The following EML6 variants were observed in gnomAD, a reference collection of about 807,000 sequenced individuals.
EML6 encodes EMAP like 6.
In EML6, 154 loss-of-function variants were observed where a neutral mutation model predicts 240.1. The observed-to-expected ratio is 0.64, with a 90% confidence interval of 0.56 to 0.73. The LOEUF (loss-of-function observed/expected upper bound fraction) is 0.73. Ranked by LOEUF, EML6 falls within the 30% of genes least tolerant of loss-of-function variation. The pLI, the probability that EML6 is intolerant of heterozygous loss-of-function variation, is 0.00. For missense variants in EML6, 2,964 were observed against 2,474.6 expected (o/e 1.20, Z -4.20); for synonymous variants, 1,148 against 899.0 (o/e 1.28, Z -4.95).
rs73936459 is a variant in EML6, at chr2:54,774,603, A to G, written c.198-38629A>G. On this transcript the variant is annotated intron_variant, in intron 2 of 41. Transcript: ENST00000356458. This position sits in a 1 kb window ranked among gnomAD's most constrained non-coding sequence, Gnocchi z 4.1. The stretch of plus-strand genomic sequence containing the variant: ...TTGTAAGGATCAAATAAAATAAAAC[A>G]TAGAGGTCCTTTTGCAAGAGGACCT... Among the ~76,000 whole-genome samples the G allele has an allele frequency of 0.043, 6,533 of 152,326 alleles. 460 individuals carry two copies. The highest frequency in any genetic ancestry group is 0.15 in the African/African-American group (6,029 of 41,550).
chr2:54,886,207 C>T (rs1262486683), intron 17 of EML6, among the ~76,000 whole-genome samples: 24 of 138,824 alleles, frequency 1.7e-4, no homozygotes, highest in Admixed American at 1.5e-3. Context: ...GCTGTGTCAC[C>T]CAGGCTGGAG....
At chr2:54,837,303 T>G (rs566025940) in intron 7 of EML6, among the ~76,000 whole-genome samples, 1 of 152,150 alleles carries the variant, frequency 6.6e-6, no homozygotes, top group Non-Finnish European at 1.5e-5. Context: ...TCATTTTTTT[T>G]CCCCCTATTG....
At chr2:54,742,268 C>G (rs1251234649) in intron 2 of EML6, among the ~76,000 whole-genome samples, 1 of 152,160 alleles carries the variant, frequency 6.6e-6, no homozygotes, top group African/African-American at 2.4e-5. Context: ...AGCTCTGTTT[C>G]CCCGACTTTC....
intron 11 of EML6, among the ~76,000 whole-genome samples, chr2:54,856,724 C>A (rs1267929475): frequency 1.3e-5 from 2 of 152,132 alleles, no homozygotes; most frequent in African/African-American, 4.8e-5. Context: ...CGTAAAGGGC[C>A]CCCTGGCCAC....
chr2:54,940,480 T>C (rs1675372666), intron 28 of EML6, among the ~76,000 whole-genome samples: 1 of 152,232 alleles, frequency 6.6e-6, no homozygotes, highest in African/African-American at 2.4e-5. Flanking sequence ...GATTATAAAC[T>C]GTGTAGGATT....
rs573129543 is a variant in EML6, at chr2:54,733,507, A to G, written c.197+8249A>G. Among the ~76,000 whole-genome samples the G allele has an allele frequency of 2.0e-5, 3 of 152,322 alleles. No homozygotes were observed. In the East Asian group the frequency reaches 5.8e-4, roughly 29 times the overall value. ...GCTGGTCTCTTAGGCACTGCACAGT[A>G]TCACGCAGCTATTCTTTCTCTAATT... On this transcript the variant is annotated intron_variant, in intron 2 of 41. Coordinates refer to ENST00000356458, the MANE Select transcript of EML6 (RefSeq NM_001039753.4).
chr2:54,914,172 A>G (rs930144265), intron 25 of EML6, among the ~76,000 whole-genome samples: 4 of 152,120 alleles, frequency 2.6e-5, no homozygotes, highest in African/African-American at 9.7e-5. Context: ...GAATATATAC[A>G]CCTATATTTT....
In EML6 at chr2:54,912,479, A is replaced by G. The variant is rs145355348; in HGVS notation, c.3498+1437A>G. On this transcript the variant is annotated intron_variant, in intron 25 of 41. Transcript: ENST00000356458. ...TTGTTTCATGGGTCTGTTGTATGACACTGAGGACTGGCATACAAATTATTG... is the reference window on the plus strand; with the variant it reads ...TTGTTTCATGGGTCTGTTGTATGACGCTGAGGACTGGCATACAAATTATTG... 5.3e-3 allele frequency among the ~76,000 whole-genome samples: 813 copies of G among 152,252 alleles called. 9 individuals are homozygous for G. The highest frequency in any genetic ancestry group is 0.018 in the African/African-American group (767 of 41,542).
intron 2 of EML6, among the ~76,000 whole-genome samples, chr2:54,800,528 C>G (rs1670075476): frequency 6.6e-6 from 1 of 152,090 alleles, no homozygotes. Context: ...CACACAGATG[C>G]TTTTATTTTT....
At chr2:54,804,930 G>A (rs1368539387) in intron 2 of EML6, among the ~76,000 whole-genome samples, 3 of 151,930 alleles carry the variant, frequency 2.0e-5, no homozygotes, top group Non-Finnish European at 4.4e-5. Flanking sequence ...CCTCCCTGAG[G>A]GTTATTTTAT....
At chr2:54,870,465 C>T (rs1351895085) in intron 15 of EML6, among the ~76,000 whole-genome samples, 2 of 152,142 alleles carry the variant, frequency 1.3e-5, no homozygotes, top group African/African-American at 4.8e-5. Flanking sequence ...AAAAGGGTTA[C>T]AGTCCTCCAA....
intron 28 of EML6, among the ~76,000 whole-genome samples, chr2:54,932,972 G>T (rs749068408): frequency 5.9e-5 from 9 of 152,210 alleles, no homozygotes; most frequent in Non-Finnish European, 1.2e-4. Context: ...ACACACCTAA[G>T]TATGCAGGAG....
chr2:54,916,877 C>A lies in EML6; in HGVS notation c.3617C>A (p.Ser1206Tyr). 1 of 1,549,390 alleles carries A rather than the reference C, an allele frequency of 6.5e-7. No individual in the cohort carries two copies. The highest frequency in any genetic ancestry group is 8.7e-7 in the Non-Finnish European group (1 of 1,145,134). The change falls in exon 26 of 42, where the codon TCC becomes TAC. Residue 1206 changes from serine (S) to tyrosine (Y), a missense_variant. Physicochemically the swap from Ser to Tyr is moderately radical, Grantham distance 144. Transcript: ENST00000356458. ...GCTGCCAGTCTTACCAAAGACTGTT[C>A]CCTTTTAGCCACCGGAGATGATTTT... is the stretch of plus-strand genomic sequence containing the variant. Reference protein sequence around the residue: ...VNAASLTKDCSLLATGDDFGF... With the variant: ...VNAASLTKDCYLLATGDDFGF...
rs376750708 is a variant in EML6, at chr2:54,945,944, G to A, written c.4005-2938G>A. On this transcript the variant is annotated intron_variant, in intron 28 of 41. Coordinates refer to ENST00000356458, the MANE Select transcript of EML6 (RefSeq NM_001039753.4). ...GCCAACTGTTTCCACAGGGGGTACA[G>A]GGTTGTGACTCTCCCCACAGGCACT... is the stretch of plus-strand genomic sequence containing the variant. Among the ~76,000 whole-genome samples, 78 of 152,328 alleles carry A rather than the reference G, an allele frequency of 5.1e-4. No individual in the cohort carries two copies. In the South Asian group the frequency reaches 0.015, roughly 30 times the overall value.
intron 4 of EML6, 74 bp from the exon 5 acceptor site, chr2:54,820,320 C>T: frequency 1.2e-6 from 1 of 812,006 alleles, no homozygotes; most frequent in Non-Finnish European, 2.0e-6. Flanking sequence ...AGAGTCTTGG[C>T]AATTGGACTA....
At chr2:54,897,707 C>A (rs1672843519) in intron 21 of EML6, among the ~76,000 whole-genome samples, 1 of 143,816 alleles carries the variant, frequency 7.0e-6, no homozygotes, top group Non-Finnish European at 1.5e-5. Flanking sequence ...TTTTTTTTTT[C>A]AGCATCTTTT....
At chr2:54,839,679 G>A (rs988152095) in intron 7 of EML6, among the ~76,000 whole-genome samples, 1 of 152,202 alleles carries the variant, frequency 6.6e-6, no homozygotes, top group African/African-American at 2.4e-5. Flanking sequence ...AGGTGTCAAG[G>A]GAAATGCAGC....
rs569922492 is a variant in EML6 at position 54,879,086 on chromosome 2, C to G, written c.2345-461C>G. On this transcript the variant is annotated intron_variant, in intron 16 of 41. Transcript: ENST00000356458. ...CCTAATTTGGAGAATTAACTGAACCCAGTTTTTAGAGCTGAAAATGGTCTC... is the reference window on the plus strand; with the variant it reads ...CCTAATTTGGAGAATTAACTGAACCGAGTTTTTAGAGCTGAAAATGGTCTC... Among the ~76,000 whole-genome samples the G allele has an allele frequency of 7.3e-4, 111 of 152,180 alleles. No homozygotes were observed. In the Middle Eastern group the frequency reaches 0.017, roughly 23 times the overall value.
rs184678294 is a variant in EML6 at position 54,884,872 on chromosome 2, C to A, written c.2438+5232C>A. ...TGATTTTGTATCTAGGGAGATTTTC[C>A]TCCAATCAAGAAATCATTGGGCTGG... On this transcript the variant is annotated intron_variant, in intron 17 of 41. Coordinates refer to ENST00000356458, the MANE Select transcript of EML6 (RefSeq NM_001039753.4). Among the ~76,000 whole-genome samples, 27 of 152,174 alleles carry A rather than the reference C, an allele frequency of 1.8e-4. No homozygotes were observed. The East Asian group carries it at 5.0e-3, about 28-fold the overall frequency.
Sources: allele counts gnomAD v4.1 joint callset (sites outside exome capture counted in the v4.1 genomes callset), GRCh38; gene constraint gnomAD v4.1.1; non-coding constraint Gnocchi (gnomAD v3.1); transcripts MANE v1.5; gene names NCBI Gene and HGNC (gene_info 2026-07-23, HGNC 2026-07-21).